Variants in RMST observed in about 807,000 individuals in gnomAD.
The protein encoded by RMST is long intergenic non-protein coding RNA 54.
intron 4 of RMST, among the ~76,000 whole-genome samples, chr12:97,464,546 CA>C (rs1305404834): frequency 6.6e-6 from 1 of 152,192 alleles, no homozygotes; most frequent in Non-Finnish European, 1.5e-5. Flanking sequence ...TGATGTGATT[CA>C]AAGGCTGGAA....
chr12:97,463,915 A>G (rs1412019994), intron 4 of RMST, among the ~76,000 whole-genome samples: 2 of 152,136 alleles, frequency 1.3e-5, no homozygotes, highest in Non-Finnish European at 1.5e-5. Flanking sequence ...TCAAAATTAG[A>G]CTGTAGAGGA....
At chr12:97,489,260 A>C (rs1274245294) in intron 5 of RMST, among the ~76,000 whole-genome samples, 1 of 152,106 alleles carries the variant, frequency 6.6e-6, no homozygotes, top group Admixed American at 6.5e-5. Flanking sequence ...AGCCTGGGCA[A>C]CATAGCGAGA....
At chr12:97,478,274 G>A (rs1188394518) in intron 5 of RMST, among the ~76,000 whole-genome samples, 1 of 152,168 alleles carries the variant, frequency 6.6e-6, no homozygotes, top group Non-Finnish European at 1.5e-5. Context: ...TATGACCTGA[G>A]AACTACTCGA....
chr12:97,544,281 A>G (rs1347999292), intron 11 of RMST, among the ~76,000 whole-genome samples: 3 of 152,050 alleles, frequency 2.0e-5, no homozygotes, highest in Non-Finnish European at 4.4e-5. Context: ...TCAGATTTAG[A>G]TTTGAAGTTA....
chr12:97,518,215 T>C (rs1880137194), intron 10 of RMST, among the ~76,000 whole-genome samples: 1 of 152,166 alleles, frequency 6.6e-6, no homozygotes, highest in East Asian at 1.9e-4. Flanking sequence ...AAAAAATAAA[T>C]TGGAATACTG....
At chr12:97,563,524 A>G (rs769385654) in intron 13 of RMST, 10 of 299,932 alleles carry the variant, frequency 3.3e-5, no homozygotes, top group Middle Eastern at 1.2e-3. Context: ...TTCCAAGTTC[A>G]ATGTCAAAGT....
At chr12:97,550,322 G>A (rs190444454) in intron 11 of RMST, among the ~76,000 whole-genome samples, 2 of 152,156 alleles carry the variant, frequency 1.3e-5, no homozygotes, top group African/African-American at 4.8e-5. Context: ...AACCTGGGAG[G>A]CGGAGGTTGC....
intron 11 of RMST, among the ~76,000 whole-genome samples, chr12:97,543,251 G>A (rs1882687909): frequency 2.0e-5 from 3 of 151,986 alleles, no homozygotes; most frequent in Admixed American, 2.0e-4. Flanking sequence ...AGGAAAGCAG[G>A]GCCCGCACCA....
At chr12:97,523,636 T>C (rs1004641862) in intron 10 of RMST, among the ~76,000 whole-genome samples, 6 of 152,072 alleles carry the variant, frequency 3.9e-5, no homozygotes, top group African/African-American at 1.5e-4. Context: ...ATGATACAAT[T>C]TTTTTTTCTT....
rs189520401 is a variant in RMST at position 97,503,519 on chromosome 12, T to G, written n.1340+7463T>G. Among the ~76,000 whole-genome samples the G allele has an allele frequency of 5.1e-4, 77 of 151,162 alleles. 1 individual carries two copies. The highest frequency in any genetic ancestry group is 1.8e-3 in the African/African-American group (74 of 41,222). Reference sequence around the variant, plus strand: ...AATAAGCACTTTGAGGACTAATGACTGTAACCATGCACTGCTAACTGGCAA... The same window carrying G: ...AATAAGCACTTTGAGGACTAATGACGGTAACCATGCACTGCTAACTGGCAA... On this transcript the variant is annotated intron_variant and non_coding_transcript_variant, in intron 10 of 13. Transcript: ENST00000640149.
intron 10 of RMST, among the ~76,000 whole-genome samples, chr12:97,525,909 C>T (rs113003136): frequency 7.2e-5 from 11 of 152,140 alleles, no homozygotes; most frequent in African/African-American, 2.6e-4. Context: ...TCAGTGGTGG[C>T]GTTAGATTCT....
At chr12:97,468,114 TG>T (rs1873417230) in intron 5 of RMST, among the ~76,000 whole-genome samples, 1 of 152,054 alleles carries the variant, frequency 6.6e-6, no homozygotes, top group Admixed American at 6.5e-5. Context: ...CAAGGATTCA[TG>T]GTAAAGCTTT....
At chr12:97,559,315 G>T (rs1352931595) in intron 11 of RMST, among the ~76,000 whole-genome samples, 1 of 152,156 alleles carries the variant, frequency 6.6e-6, no homozygotes, top group Non-Finnish European at 1.5e-5. Context: ...TCAACACTTT[G>T]CTTTCTATTA....
At chr12:97,496,997 C>T (rs1877504293) in intron 10 of RMST, among the ~76,000 whole-genome samples, 1 of 152,010 alleles carries the variant, frequency 6.6e-6, no homozygotes, top group African/African-American at 2.4e-5. Context: ...TCAAAAAGTT[C>T]CTCAGCTAGT....
intron 10 of RMST, among the ~76,000 whole-genome samples, chr12:97,512,399 G>C (rs952700930): frequency 1.3e-5 from 2 of 152,140 alleles, no homozygotes; most frequent in African/African-American, 4.8e-5. Context: ...TGCTGGCTCC[G>C]GCAGCCTGCT....
chr12:97,465,351 C>T (rs1293552992), intron 4 of RMST, among the ~76,000 whole-genome samples: 7 of 152,144 alleles, frequency 4.6e-5, no homozygotes, highest in Non-Finnish European at 7.3e-5. Context: ...TGTTTGTGTG[C>T]TACTTAATGG....
At chr12:97,550,714 G>GA (rs1183633599) in intron 11 of RMST, among the ~76,000 whole-genome samples, 2 of 152,090 alleles carry the variant, frequency 1.3e-5, no homozygotes, top group East Asian at 3.9e-4. Flanking sequence ...TTGCAATCCC[G>GA]TGCCACTATG....
intron 5 of RMST, among the ~76,000 whole-genome samples, chr12:97,492,221 T>C (rs1158181676): frequency 6.6e-6 from 1 of 152,208 alleles, no homozygotes; most frequent in African/African-American, 2.4e-5. Flanking sequence ...TGAGCTTAAA[T>C]ATCTGTGACA....
intron 5 of RMST, among the ~76,000 whole-genome samples, chr12:97,476,309 G>A (rs963942157): frequency 6.6e-6 from 1 of 152,202 alleles, no homozygotes; most frequent in African/African-American, 2.4e-5. Context: ...GGCTTCATCT[G>A]CTGCCCATTT....
Sources: allele counts gnomAD v4.1 joint callset (sites outside exome capture counted in the v4.1 genomes callset), GRCh38; gene constraint gnomAD v4.1.1; transcripts MANE v1.5; gene names NCBI Gene and HGNC (gene_info 2026-07-23, HGNC 2026-07-21).